CTRB1: variants seen among roughly 807,000 people sequenced by gnomAD.
CTRB1 encodes chymotrypsinogen B1.
CTRB1 carries 15 observed loss-of-function variants against 20.4 expected under a neutral mutation model. The ratio of observed to expected loss-of-function variants is 0.74; its 90% CI spans 0.49 to 1.13. The LOEUF (loss-of-function observed/expected upper bound fraction) is 1.13, where lower values mean the gene tolerates loss of function less well. Among genes scored for constraint, CTRB1 ranks in the 50% most tolerant of loss-of-function variants. The pLI is 0.00. For missense variants in CTRB1, 227 were observed against 290.1 expected (o/e 0.78, Z 1.58); for synonymous variants, 92 against 128.4 (o/e 0.72, Z 1.92).
intron 1 of CTRB1, among the ~76,000 whole-genome samples, chr16:75,221,373 T>A (rs532577361): frequency 1.3e-5 from 2 of 152,122 alleles, no homozygotes; most frequent in African/African-American, 4.8e-5. Context: ...TTTTGATTTT[T>A]TCTTGAGATG....
At chr16:75,220,404 G>A (rs1458243010) in intron 1 of CTRB1, among the ~76,000 whole-genome samples, 2 of 152,138 alleles carry the variant, frequency 1.3e-5, no homozygotes, top group Admixed American at 1.3e-4. Context: ...GGCTGGTCTT[G>A]AACTCCTAAC....
At chr16:75,222,519 C>T (rs544399425) in intron 1 of CTRB1, 4 of 557,372 alleles carry the variant, frequency 7.2e-6, no homozygotes, top group Non-Finnish European at 1.3e-5. Context: ...CTTCTTCAGG[C>T]TGGACAGGCC....
At chr16:75,221,546 G>C (rs1001971380) in intron 1 of CTRB1, among the ~76,000 whole-genome samples, 4 of 152,016 alleles carry the variant, frequency 2.6e-5, no homozygotes, top group Non-Finnish European at 5.9e-5. Context: ...TTTTAGTAGA[G>C]ATGGGGTTTT....
intron 1 of CTRB1, among the ~76,000 whole-genome samples, chr16:75,222,064 G>GAAA (rs71158588): frequency 1.8e-5 from 2 of 108,606 alleles, no homozygotes; most frequent in African/African-American, 3.6e-5. Flanking sequence ...GTCTCAAAAA[G>GAAA]AAAAAAAAAA....
chr16:75,222,684 G>A (rs2151376018), intron 1 of CTRB1, 84 bp from the exon 2 acceptor site: 1 of 1,440,564 alleles, frequency 6.9e-7, no homozygotes, highest in Non-Finnish European at 9.3e-7. Flanking sequence ...GTGGACTGGG[G>A]TAGAACCGGG....
chr16:75,222,483 A>G (rs1460215228), intron 1 of CTRB1: 1 of 505,756 alleles, frequency 2.0e-6, no homozygotes, highest in Non-Finnish European at 3.5e-6. Flanking sequence ...GAGCCCAGGC[A>G]GTCTTACAGC....
chr16:75,224,871 G>C lies in CTRB1; in HGVS notation c.*5G>C, dbSNP rs370522687. 3.1e-5 allele frequency: 50 copies of C among 1,613,346 alleles called. No individual in the cohort carries two copies. The East Asian group carries it at 5.1e-4, about 17-fold the overall frequency. On this transcript the variant is annotated 3_prime_UTR_variant, in exon 7 of 7. Transcript: ENST00000361017. The stretch of plus-strand genomic sequence containing the variant: ...AAGATCCTGGCTGCCAACTGAGCCC[G>C]CGGCTCCCTCCGACCCTGCTCCCCA...
chr16:75,222,419 T>C (rs533711594), intron 1 of CTRB1, among the ~76,000 whole-genome samples: 47 of 152,300 alleles, frequency 3.1e-4, no homozygotes, highest in African/African-American at 1.1e-3. Flanking sequence ...AAGGCCTGAG[T>C]GCTGCCCTGC....
chr16:75,222,406 A>G (rs1390632368), intron 1 of CTRB1, among the ~76,000 whole-genome samples: 1 of 152,184 alleles, frequency 6.6e-6, no homozygotes, highest in Admixed American at 6.5e-5. Flanking sequence ...AGCTGAGGAC[A>G]CCAAGGCCTG....
At chr16:75,221,463 G>A (rs1338235259) in intron 1 of CTRB1, among the ~76,000 whole-genome samples, 1 of 151,956 alleles carries the variant, frequency 6.6e-6, no homozygotes, top group Non-Finnish European at 1.5e-5. Context: ...AGGTTCAAGC[G>A]ATTCTCCTGC....
chr16:75,219,684 G>A (rs561337433), intron 1 of CTRB1, among the ~76,000 whole-genome samples: 5 of 152,190 alleles, frequency 3.3e-5, no homozygotes, highest in South Asian at 2.1e-4. Flanking sequence ...GTGCCCAGCC[G>A]TGTTTTCTAT....
chr16:75,224,795 T>C lies in CTRB1; in HGVS notation c.721T>C (p.Ser241Pro). 2 of 1,613,932 alleles carry C rather than the reference T, an allele frequency of 1.2e-6. No homozygotes were observed. The highest frequency in any genetic ancestry group is 1.7e-6 in the Non-Finnish European group (2 of 1,180,034). Residue 241 changes from serine to proline, a missense_variant, in exon 7 of 7, where the codon TCC becomes CCC. Ser to Pro is a moderately conservative substitution (Grantham distance 74). Around this residue, in one of 4 missense-constraint regions of CTRB1, gnomAD observed 108 missense variants for 76.9 expected, o/e 1.41. Transcript: ENST00000361017. ...CTGGGGCAGCGACACCTGCTCCACC[T>C]CCAGCCCTGGCGTGTACGCCCGTGT... The part of the protein sequence containing the change: ...VSWGSDTCST[S>P]SPGVYARVTK...
chr16:75,222,540 G>A lies in CTRB1; in HGVS notation c.53-228G>A, dbSNP rs895337802. On this transcript the variant is annotated intron_variant, in intron 1 of 6. Coordinates refer to ENST00000361017, the MANE Select transcript of CTRB1 (RefSeq NM_001906.6). ...CAGGCTGGACAGGCCCCAGGTAGGAGGAGACATGACGCTCTGCATCCTGGA... is the reference window on the plus strand; with the variant it reads ...CAGGCTGGACAGGCCCCAGGTAGGAAGAGACATGACGCTCTGCATCCTGGA... The A allele has an allele frequency of 8.6e-6, 5 of 581,028 alleles. No homozygotes were observed. The East Asian group carries it at 1.4e-4, about 17-fold the overall frequency. The allele number at this position is 581,028 out of a possible 1,614,324, so 36.0% of individuals were successfully genotyped here.
intron 1 of CTRB1, among the ~76,000 whole-genome samples, chr16:75,220,464 G>A (rs953440811): frequency 1.3e-5 from 2 of 152,116 alleles, no homozygotes; most frequent in South Asian, 2.1e-4. Context: ...GATTACAGGC[G>A]TGAGCCCCCA....
intron 1 of CTRB1, among the ~76,000 whole-genome samples, chr16:75,219,991 T>G (rs576127337): frequency 2.1e-5 from 2 of 95,144 alleles, no homozygotes; most frequent in Admixed American, 1.7e-4. Context: ...TTTTTGGTTT[T>G]GGTTTTGGTT....
chr16:75,220,368 G>A (rs1400630101), intron 1 of CTRB1, among the ~76,000 whole-genome samples: 1 of 152,118 alleles, frequency 6.6e-6, no homozygotes, highest in East Asian at 1.9e-4. Flanking sequence ...ATTTTTAATA[G>A]AGATGGGGTT....
In CTRB1 at chr16:75,219,084, T is replaced by C. The variant is rs764243939; in HGVS notation, c.52+25T>C. On this transcript the variant is annotated intron_variant, in intron 1 of 6. Transcript: ENST00000361017. ...GGTGAGTGCTGGTGCCCGAGGGGTC[T>C]GTCCTGAGGGAGCCCTGAGCCTGGC... 4 of 1,574,904 alleles carry C rather than the reference T, an allele frequency of 2.5e-6. No individual in the cohort carries two copies. The East Asian group carries it at 6.9e-5, about 27-fold the overall frequency.
intron 1 of CTRB1, among the ~76,000 whole-genome samples, chr16:75,220,182 A>AC (rs1555530438): frequency 7.1e-6 from 1 of 141,840 alleles, no homozygotes; most frequent in Non-Finnish European, 1.6e-5. Flanking sequence ...TTTTTTTGTT[A>AC]TTTTTTTTTC....
chr16:75,222,606 G>A (rs2076702290), intron 1 of CTRB1, 162 bp from the exon 2 acceptor site: 1 of 724,264 alleles, frequency 1.4e-6, no homozygotes, highest in African/African-American at 1.8e-5. Context: ...GGGAACGTTT[G>A]AGCCTAGAGA....
Sources: allele counts gnomAD v4.1 joint callset (sites outside exome capture counted in the v4.1 genomes callset), GRCh38; gene constraint gnomAD v4.1.1; regional missense constraint gnomAD v4.1.1; transcripts MANE v1.5; gene names NCBI Gene and HGNC (gene_info 2026-07-23, HGNC 2026-07-21).